The following SRP19 variants were observed in gnomAD, a reference collection of about 807,000 sequenced individuals.
The protein encoded by SRP19 is signal recognition particle 19 kDa protein.
SRP19 carries 11 observed loss-of-function variants against 22.4 expected under a neutral mutation model. The observed-to-expected ratio is 0.49, with a 90% confidence interval of 0.31 to 0.81. SRP19 has a LOEUF of 0.81. Among genes scored for constraint, SRP19 ranks in the 40% least tolerant of loss-of-function variants. SRP19 has a pLI of 0.05. For missense variants in SRP19, 168 were observed against 175.9 expected (o/e 0.96, Z 0.25); for synonymous variants, 61 against 57.6 (o/e 1.06, Z -0.27).
chr5:112,864,372 A>G (rs1767516561), intron 2 of SRP19, 85 bp from the exon 3 acceptor site: 2 of 1,152,964 alleles, frequency 1.7e-6, no homozygotes, highest in Middle Eastern at 2.9e-4. Flanking sequence ...TTGTTTGATT[A>G]TAGTATTTGA....
At chr5:112,892,073 TG>T (rs1415522447) in exon 5 of SRP19, 1 of 1,597,518 alleles carries the variant, frequency 6.3e-7, no homozygotes. Flanking sequence ...CAGAAGATGC[TG>T]GATCAGGCTG....
In SRP19 at chr5:112,867,576, G is replaced by C. The variant is rs1204190940; in HGVS notation, c.*39G>C. 2.0e-6 allele frequency: 3 copies of C among 1,531,130 alleles called. No individual in the cohort carries two copies. Among genetic ancestry groups the C allele is most frequent in the African/African-American group, 2.8e-5 (2 of 72,244 alleles). 94.8% of individuals were successfully genotyped at this position (1,531,130 alleles called of 1,614,324 possible). ...TCAAGTATGTGGTACTACTGTAAGA[G>C]ACATGAATGGAGACTTCTAATTTGT... On this transcript the variant is annotated 3_prime_UTR_variant, in exon 5 of 5. Transcript: ENST00000505459.
intron 4 of SRP19, among the ~76,000 whole-genome samples, chr5:112,887,514 G>C (rs1410678485): frequency 6.6e-6 from 1 of 151,998 alleles, no homozygotes; most frequent in African/African-American, 2.4e-5. Flanking sequence ...ATCAATTTAA[G>C]AAAATATAGT....
downstream of SRP19, among the ~76,000 whole-genome samples, chr5:112,871,280 TA>T (rs1485744132): frequency 5.0e-5 from 7 of 140,088 alleles, no homozygotes; most frequent in African/African-American, 2.0e-4. Flanking sequence ...TGCCAGTTGT[TA>T]AGTGAAAACT....
At chr5:112,883,289 C>T (rs1768133416) in intron 4 of SRP19, among the ~76,000 whole-genome samples, 2 of 152,234 alleles carry the variant, frequency 1.3e-5, no homozygotes, top group South Asian at 4.1e-4. Context: ...TTTGATATCA[C>T]TCCACAAAAT....
chr5:112,862,673 TTC>T lies in SRP19; in HGVS notation c.117+94_117+95del, dbSNP rs1767451410. ...GTAATCTTGTTAGAGCCGCAGGGGG[TTC>T]TCTTCACTGCATTTATTTAGGGCTT... On this transcript the variant is annotated intron_variant, in intron 2 of 4. Coordinates refer to ENST00000505459, the MANE Select transcript of SRP19 (RefSeq NM_003135.3). 3.7e-6 allele frequency: 4 copies of T among 1,078,424 alleles called. No individual in the cohort carries two copies. The East Asian group carries it at 7.6e-5, about 21-fold the overall frequency. The allele number at this position is 1,078,424 out of a possible 1,614,324, so 66.8% of individuals were successfully genotyped here. A position where few individuals can be genotyped will look rare whatever the true frequency, so the allele number is the denominator to read the frequency against.
chr5:112,886,220 C>T (rs1768239453), intron 4 of SRP19, among the ~76,000 whole-genome samples: 1 of 152,210 alleles, frequency 6.6e-6, no homozygotes, highest in South Asian at 2.1e-4. Flanking sequence ...TAGAGAATTC[C>T]CCTATTTACC....
At chr5:112,871,453 T>TA (rs200452466), downstream of SRP19, among the ~76,000 whole-genome samples, 4 of 151,922 alleles carry the variant, frequency 2.6e-5, no homozygotes, top group Admixed American at 6.6e-5. Context: ...AGTTTGTAAT[T>TA]AAAAAAATTT....
At chr5:112,866,242 G>A (rs1398497264) in intron 4 of SRP19, among the ~76,000 whole-genome samples, 7 of 150,982 alleles carry the variant, frequency 4.6e-5, no homozygotes, top group African/African-American at 1.7e-4. Context: ...TCAGCCGTCT[G>A]AGTAGCTGGG....
chr5:112,867,533 A>G lies in SRP19; in HGVS notation c.431A>G (p.Lys144Arg), dbSNP rs1317185891. ...AAAAAAGGGAAAGGAAAGAAAAAGA[A>G]GTAACCTAGTATCAGCATCAAGTAT... is the stretch of plus-strand genomic sequence containing the variant. The part of the protein sequence containing the change: ...GSKKGKGKKK[K>R] The change falls in exon 5 of 5, where the codon AAG becomes AGG. Residue 144 changes from lysine to arginine, a missense_variant. By Grantham distance (26) the Lys-to-Arg change is conservative. Coordinates refer to ENST00000505459, the MANE Select transcript of SRP19 (RefSeq NM_003135.3). The G allele has an allele frequency of 1.2e-6, 2 of 1,608,908 alleles. No individual in the cohort carries two copies. Among genetic ancestry groups the G allele is most frequent in the African/African-American group, 2.7e-5 (2 of 74,730 alleles).
downstream of SRP19, chr5:112,894,207 C>T (rs1051664748): frequency 6.6e-6 from 1 of 151,714 alleles, no homozygotes; most frequent in African/African-American, 2.4e-5. Flanking sequence ...GCAACCTCCG[C>T]CTCCCAGATT....
At chr5:112,879,535 G>A (rs1224106965) in intron 4 of SRP19, among the ~76,000 whole-genome samples, 3 of 152,078 alleles carry the variant, frequency 2.0e-5, no homozygotes, top group East Asian at 1.9e-4. Context: ...GTGCAGTGGC[G>A]CGATCTCGGC....
At position 112,868,313 on chromosome 5, in the gene SRP19, C is replaced by A; in HGVS notation, c.*776C>A. 3.0e-6 allele frequency: 3 copies of A among 985,776 alleles called. No individual in the cohort carries two copies. The highest frequency in any genetic ancestry group is 3.6e-6 in the Non-Finnish European group (3 of 830,166). The allele number at this position is 985,776 out of a possible 1,614,324, so 61.1% of individuals were successfully genotyped here. ...GTAGTGATTTTGAGCTATCCCAATT[C>A]CTGTTCTTCCTGAGGCCTGGTTTAG... On this transcript the variant is annotated 3_prime_UTR_variant, in exon 5 of 5. Coordinates refer to ENST00000505459, the MANE Select transcript of SRP19 (RefSeq NM_003135.3).
In SRP19 at chr5:112,868,186, T is replaced by C. The variant is rs1767670310; in HGVS notation, c.*649T>C. ...TGTAGGTTTAAGAACATGATTTTCA[T>C]GGGAGTTGTAAAATTAACTGTGCTT... On this transcript the variant is annotated 3_prime_UTR_variant, in exon 5 of 5. Transcript: ENST00000505459. The C allele has an allele frequency of 1.0e-6, 1 of 985,356 alleles. No homozygotes were observed. Among genetic ancestry groups the C allele is most frequent in the African/African-American group, 1.7e-5 (1 of 57,252 alleles). The allele number at this position is 985,356 out of a possible 1,614,324, so 61.0% of individuals were successfully genotyped here.
At position 112,862,519 on chromosome 5, in the gene SRP19, T is replaced by A; in HGVS notation, c.53T>A (p.Ile18Asn). 1 of 1,613,722 alleles carries A rather than the reference T, an allele frequency of 6.2e-7. No individual in the cohort carries two copies. Among genetic ancestry groups the A allele is most frequent in the Non-Finnish European group, 8.5e-7 (1 of 1,179,718 alleles). The stretch of plus-strand genomic sequence containing the variant: ...ATTGTCTATGGCAGGTTTATTTGTA[T>A]CTATCCTGCTTATTTAAATAATAAG... The part of the protein sequence containing the change: ...SPADQDRFIC[I>N]YPAYLNNKKT... Residue 18 changes from isoleucine (I) to asparagine (N), a missense_variant, in exon 2 of 5, where the codon ATC becomes AAC. Transcript: ENST00000505459.
downstream of SRP19, among the ~76,000 whole-genome samples, chr5:112,870,199 A>C (rs1457779224): frequency 3.9e-5 from 6 of 152,302 alleles, no homozygotes; most frequent in South Asian, 8.3e-4. Context: ...TTGAGAATGC[A>C]TACTGGGTCA....
chr5:112,891,394 C>G (rs1768441823), intron 4 of SRP19, among the ~76,000 whole-genome samples: 2 of 152,006 alleles, frequency 1.3e-5, no homozygotes, highest in Admixed American at 6.6e-5. Context: ...TTTTAGAACT[C>G]TCCTTTTAGT....
chr5:112,862,695 G>T, intron 2 of SRP19, 112 bp downstream of exon 2: 1 of 922,568 alleles, frequency 1.1e-6, no homozygotes, highest in Non-Finnish European at 1.7e-6. Context: ...CATTTATTTA[G>T]GGCTTGAGAA....
chr5:112,873,131 G>A (rs1767793955), downstream of SRP19, among the ~76,000 whole-genome samples: 1 of 148,602 alleles, frequency 6.7e-6, no homozygotes, highest in Non-Finnish European at 1.5e-5. Context: ...CAGCTAAGTG[G>A]GTTTTCAGTC....
Sources: gnomAD v4.1 joint callset for allele counts (sites outside exome capture counted in the v4.1 genomes callset) on GRCh38, gnomAD v4.1.1 for gene constraint, MANE v1.5 for transcripts, NCBI Gene and HGNC (gene_info 2026-07-23, HGNC 2026-07-21) for gene names.